Variants in ERBB4 observed in about 807,000 individuals in gnomAD.
The protein encoded by ERBB4 is erb-b2 receptor tyrosine kinase 4, also known as receptor tyrosine-protein kinase erbB-4.
A neutral mutation model predicts 158.0 loss-of-function variants in ERBB4; 42 were observed. That is an observed-to-expected ratio of 0.27 (90% CI 0.21 to 0.34). ERBB4 has a LOEUF of 0.34. Ranked by LOEUF, ERBB4 falls within the 10% of genes least tolerant of loss-of-function variation. The pLI is 1.00. For synonymous variants in ERBB4, 583 were observed against 558.7 expected, an observed-to-expected ratio of 1.04 and a Z score of -0.61; for missense variants, 1,333 against 1,624.1, an observed-to-expected ratio of 0.82 and a Z score of 3.08.
intron 14 of ERBB4, among the ~76,000 whole-genome samples, chr2:211,667,074 CACTAAT>C (rs2071659142): frequency 6.6e-6 from 1 of 150,730 alleles, no homozygotes; most frequent in African/African-American, 2.5e-5. Flanking sequence ...AATACACTAA[CACTAAT>C]GACACCTGAT....
At chr2:211,573,852 T>C (rs971615838) in intron 19 of ERBB4, among the ~76,000 whole-genome samples, 1 of 152,064 alleles carries the variant, frequency 6.6e-6, no homozygotes, top group Non-Finnish European at 1.5e-5. Flanking sequence ...GAGGTGAAGG[T>C]GAGCTGAAAT....
At chr2:212,127,443 T>C (rs2079971089) in intron 1 of ERBB4, among the ~76,000 whole-genome samples, 1 of 152,124 alleles carries the variant, frequency 6.6e-6, no homozygotes, top group South Asian at 2.1e-4. Flanking sequence ...ATACAAACAA[T>C]TAGCCGGGCC....
chr2:212,299,441 T>A (rs1243712306), intron 1 of ERBB4, among the ~76,000 whole-genome samples: 1 of 151,670 alleles, frequency 6.6e-6, no homozygotes, highest in African/African-American at 2.4e-5. Flanking sequence ...AAAGTACTCA[T>A]TGTTTTAGAA....
intron 1 of ERBB4, among the ~76,000 whole-genome samples, chr2:212,201,647 T>C (rs1188331962): frequency 6.6e-6 from 1 of 152,212 alleles, no homozygotes; most frequent in African/African-American, 2.4e-5. Flanking sequence ...GCATGTCCTA[T>C]ATTTTAAAAT....
At chr2:212,476,305 A>G (rs754899978) in intron 1 of ERBB4, among the ~76,000 whole-genome samples, 1 of 152,158 alleles carries the variant, frequency 6.6e-6, no homozygotes, top group African/African-American at 2.4e-5. Context: ...AATTATGTCT[A>G]CTTGGCTTGC....
intron 3 of ERBB4, among the ~76,000 whole-genome samples, chr2:211,831,952 C>G (rs1304821259): frequency 2.0e-5 from 3 of 152,002 alleles, no homozygotes; most frequent in Non-Finnish European, 4.4e-5. Flanking sequence ...AGTAAATCAT[C>G]CATTTGTATT....
chr2:212,199,108 C>T (rs868292323), intron 1 of ERBB4, among the ~76,000 whole-genome samples: 2 of 152,196 alleles, frequency 1.3e-5, no homozygotes, highest in Middle Eastern at 6.8e-3. Context: ...CATTTTAAAT[C>T]CCCACTCACA....
At chr2:211,453,182 A>T (rs1333886847) in intron 20 of ERBB4, among the ~76,000 whole-genome samples, 1 of 152,248 alleles carries the variant, frequency 6.6e-6, no homozygotes. Context: ...TAACACCTCA[A>T]GAAAAGGGTA....
intron 3 of ERBB4, among the ~76,000 whole-genome samples, chr2:211,802,968 T>C (rs1575168161): frequency 6.6e-6 from 1 of 152,208 alleles, no homozygotes; most frequent in Non-Finnish European, 1.5e-5. Context: ...TAATTACAGC[T>C]AGGATAATAA....
intron 1 of ERBB4, among the ~76,000 whole-genome samples, chr2:212,418,749 C>T (rs1430552999): frequency 6.6e-6 from 1 of 151,546 alleles, no homozygotes; most frequent in South Asian, 2.1e-4. Context: ...GAAAAATTTT[C>T]CTCTTTAAAA....
intron 3 of ERBB4, among the ~76,000 whole-genome samples, chr2:211,848,532 G>A (rs2077643607): frequency 6.6e-6 from 1 of 151,964 alleles, no homozygotes; most frequent in African/African-American, 2.4e-5. Context: ...TTAGGAATTG[G>A]GAAGCAATAT....
chr2:212,245,759 C>A (rs1360912024), intron 1 of ERBB4, among the ~76,000 whole-genome samples: 4 of 152,066 alleles, frequency 2.6e-5, no homozygotes, highest in Non-Finnish European at 4.4e-5. Flanking sequence ...AATCTTATAA[C>A]CTGGCCCTCA....
chr2:212,037,564 A>C (rs978980279), intron 2 of ERBB4, among the ~76,000 whole-genome samples: 2 of 152,238 alleles, frequency 1.3e-5, no homozygotes, highest in Non-Finnish European at 2.9e-5. Context: ...ATGTAAGTTA[A>C]AGTGGACACA....
chr2:211,472,903 T>G (rs2064863731), intron 20 of ERBB4, among the ~76,000 whole-genome samples: 2 of 150,666 alleles, frequency 1.3e-5, no homozygotes, highest in Non-Finnish European at 3.0e-5. Flanking sequence ...ATATAAATAT[T>G]ATTTATTATT....
At chr2:212,206,425 A>G (rs1490157224) in intron 1 of ERBB4, among the ~76,000 whole-genome samples, 5 of 152,204 alleles carry the variant, frequency 3.3e-5, no homozygotes, top group Admixed American at 2.6e-4. Context: ...TTACTATTGC[A>G]TGGGATTAAA....
chr2:211,717,783 C>A (rs551125580), intron 7 of ERBB4, among the ~76,000 whole-genome samples: 1 of 152,052 alleles, frequency 6.6e-6, no homozygotes, highest in Non-Finnish European at 1.5e-5. Flanking sequence ...GCCAAGATTG[C>A]GCCATTGCTC....
chr2:212,078,878 TATA>T (rs1184590722), intron 2 of ERBB4, among the ~76,000 whole-genome samples: 4 of 151,228 alleles, frequency 2.6e-5, no homozygotes, highest in Non-Finnish European at 4.4e-5. Flanking sequence ...ATATTTTTAG[TATA>T]ATATTAATGC....
intron 1 of ERBB4, among the ~76,000 whole-genome samples, chr2:212,537,623 G>A (rs1028644769): frequency 3.9e-5 from 6 of 152,240 alleles, no homozygotes; most frequent in African/African-American, 1.4e-4. Flanking sequence ...AGCCTGGCCG[G>A]GCAGTAAACA....
chr2:212,243,770 G>A (rs564957257), intron 1 of ERBB4, among the ~76,000 whole-genome samples: 3 of 152,116 alleles, frequency 2.0e-5, no homozygotes, highest in South Asian at 2.1e-4. Flanking sequence ...TGCCACCATC[G>A]ATGGAATAAT....
Sources: allele counts gnomAD v4.1 joint callset (sites outside exome capture counted in the v4.1 genomes callset), GRCh38; gene constraint gnomAD v4.1.1; transcripts MANE v1.5; gene names NCBI Gene and HGNC (gene_info 2026-07-23, HGNC 2026-07-21).